The following SLC27A2 variants were observed in gnomAD, a reference collection of about 807,000 sequenced individuals.
SLC27A2 encodes solute carrier family 27 member 2.
A neutral mutation model predicts 60.0 loss-of-function variants in SLC27A2; 54 were observed. That is an observed-to-expected ratio of 0.90 (90% CI 0.72 to 1.13). SLC27A2 has a LOEUF of 1.13. SLC27A2 is among the 50% of genes most tolerant of loss of function. SLC27A2 has a pLI of 0.00. For missense variants in SLC27A2, 739 were observed against 777.6 expected, an observed-to-expected ratio of 0.95 and a Z score of 0.59; for synonymous variants, 297 against 297.6, an observed-to-expected ratio of 1.00 and a Z score of 0.02.
intron 4 of SLC27A2, among the ~76,000 whole-genome samples, chr15:50,220,804 G>A (rs1015775498): frequency 2.0e-5 from 3 of 149,334 alleles, no homozygotes; most frequent in African/African-American, 2.5e-5. Flanking sequence ...TCCAGGACAC[G>A]TATAGCCAGG....
rs35122324 is a variant in SLC27A2, at chr15:50,234,757, T to TA, written c.1686+768dup. Among the ~76,000 whole-genome samples, 153 of 151,104 alleles carry TA rather than the reference T, an allele frequency of 1.0e-3. 1 individual carries two copies. Among genetic ancestry groups the TA allele is most frequent in the African/African-American group, 3.5e-3 (143 of 41,192 alleles). On this transcript the variant is annotated intron_variant, in intron 9 of 9. Transcript: ENST00000267842. ...CTGGGCATCAGAGCAAGGCCCAGTC[T>TA]AAAAAAAAATATATCAGAAAACAGC...
chr15:50,182,653 G>T lies in SLC27A2; in HGVS notation c.226G>T (p.Asp76Tyr), dbSNP rs781515719. 1.2e-6 allele frequency: 2 copies of T among 1,613,982 alleles called. No individual in the cohort carries two copies. Among genetic ancestry groups the T allele is most frequent in the South Asian group, 1.1e-5 (1 of 91,082 alleles). ...TPHKPFLLFR[D>Y]ETLTYAQVDR... ...ACACAAGCCTTTTCTGCTCTTCCGC[G>T]ACGAGACTCTCACCTACGCGCAGGT... Residue 76 changes from aspartate (D) to tyrosine (Y), a missense_variant, in exon 1 of 10, where the codon GAC (aspartate) becomes TAC (tyrosine). Physicochemically the swap from Asp to Tyr is radical, Grantham distance 160 (BLOSUM62 -3). Coordinates refer to ENST00000267842, the MANE Select transcript of SLC27A2 (RefSeq NM_003645.4).
chr15:50,210,443 C>T (rs1446488251), intron 4 of SLC27A2, among the ~76,000 whole-genome samples: 9 of 152,166 alleles, frequency 5.9e-5, no homozygotes, highest in Admixed American at 3.9e-4. Flanking sequence ...AGAGCCAAAC[C>T]GAGCAAAATA....
intron 4 of SLC27A2, among the ~76,000 whole-genome samples, chr15:50,219,197 A>G (rs1031047153): frequency 7.2e-5 from 11 of 152,244 alleles, no homozygotes; most frequent in African/African-American, 2.7e-4. Flanking sequence ...TCTGAAATTG[A>G]CGAAACAAGA....
chr15:50,235,246 G>C (rs1308473739), intron 9 of SLC27A2, among the ~76,000 whole-genome samples: 1 of 152,170 alleles, frequency 6.6e-6, no homozygotes, highest in Non-Finnish European at 1.5e-5. Context: ...GCATGAAAAT[G>C]AAATATCCTC....
At chr15:50,234,509 C>T (rs779929608) in intron 9 of SLC27A2, among the ~76,000 whole-genome samples, 1 of 150,822 alleles carries the variant, frequency 6.6e-6, no homozygotes, top group African/African-American at 2.5e-5. Context: ...ATCGCTTGAA[C>T]CTAGGAGGAG....
intron 4 of SLC27A2, among the ~76,000 whole-genome samples, chr15:50,211,352 T>C (rs1419088269): frequency 6.6e-6 from 1 of 152,126 alleles, no homozygotes; most frequent in East Asian, 1.9e-4. Context: ...CAGGTAGACT[T>C]GCTGGGTGGC....
At chr15:50,199,294 G>A (rs2045046875) in intron 2 of SLC27A2, among the ~76,000 whole-genome samples, 1 of 151,994 alleles carries the variant, frequency 6.6e-6, no homozygotes, top group African/African-American at 2.4e-5. Flanking sequence ...CTAACATGGT[G>A]AAACCCCATC....
chr15:50,234,065 C>T, intron 9 of SLC27A2, 67 bp downstream of exon 9: 1 of 1,426,664 alleles, frequency 7.0e-7, no homozygotes, highest in Non-Finnish European at 9.5e-7. Flanking sequence ...TAGGGAACAA[C>T]TCGCCTTCTC....
intron 8 of SLC27A2, among the ~76,000 whole-genome samples, chr15:50,230,095 G>A (rs1269883260): frequency 1.3e-5 from 2 of 152,010 alleles, no homozygotes; most frequent in Admixed American, 6.6e-5. Context: ...TTAGCTGGGT[G>A]TGGTGGCACG....
At chr15:50,212,474 C>G (rs2045165318) in intron 4 of SLC27A2, among the ~76,000 whole-genome samples, 1 of 152,154 alleles carries the variant, frequency 6.6e-6, no homozygotes, top group Non-Finnish European at 1.5e-5. Context: ...AAGATCTTTG[C>G]CTAGGCACAT....
At chr15:50,218,431 C>T (rs1348953926) in intron 4 of SLC27A2, among the ~76,000 whole-genome samples, 3 of 151,850 alleles carry the variant, frequency 2.0e-5, no homozygotes, top group Non-Finnish European at 4.4e-5. Flanking sequence ...GGAAAACATC[C>T]GAGGGCTGGA....
At chr15:50,188,159 C>T (rs1045771187) in intron 1 of SLC27A2, among the ~76,000 whole-genome samples, 32 of 152,028 alleles carry the variant, frequency 2.1e-4, no homozygotes, top group African/African-American at 7.5e-4. Context: ...GCTACAAGTG[C>T]TGCAGGAAAA....
chr15:50,200,154 C>T (rs1001494775), intron 2 of SLC27A2, among the ~76,000 whole-genome samples: 6 of 152,128 alleles, frequency 3.9e-5, no homozygotes, highest in Non-Finnish European at 8.8e-5. Flanking sequence ...AGAGGCCAGG[C>T]ATGATGGCTC....
chr15:50,204,463 G>A (rs1473875674), intron 3 of SLC27A2, among the ~76,000 whole-genome samples: 1 of 151,602 alleles, frequency 6.6e-6, no homozygotes, highest in African/African-American at 2.4e-5. Context: ...GCCAGGTACG[G>A]TGGCTCACGC....
intron 4 of SLC27A2, chr15:50,221,746 T>C (rs2045243917): frequency 6.6e-6 from 1 of 152,256 alleles, no homozygotes; most frequent in African/African-American, 2.4e-5. Flanking sequence ...CATTTCATTC[T>C]GTATCCTGAT....
Position 50,182,201 on chromosome 15 carries a change from T to A in SLC27A2, c.-227T>A. 1 of 574,054 alleles carries A rather than the reference T, an allele frequency of 1.7e-6. No homozygotes were observed. Among genetic ancestry groups the A allele is most frequent in the Non-Finnish European group, 2.5e-6 (1 of 397,564 alleles). 35.6% of individuals were successfully genotyped at this position (574,054 alleles called of 1,614,324 possible). On this transcript the variant is annotated 5_prime_UTR_variant, in exon 1 of 10. Coordinates refer to ENST00000267842, the MANE Select transcript of SLC27A2 (RefSeq NM_003645.4). Reference sequence around the variant, plus strand: ...GGGGGCGGGCTCAGCCGGCCAGTCCTGCCCGGAACCCCCGGCAACGCGCAT... The same window carrying A: ...GGGGGCGGGCTCAGCCGGCCAGTCCAGCCCGGAACCCCCGGCAACGCGCAT...
At chr15:50,195,384 G>A (rs1213096089) in intron 1 of SLC27A2, among the ~76,000 whole-genome samples, 1 of 151,680 alleles carries the variant, frequency 6.6e-6, no homozygotes, top group Admixed American at 6.6e-5. Flanking sequence ...CCAGCTACTC[G>A]GGAGGCTGAG....
intron 2 of SLC27A2, among the ~76,000 whole-genome samples, chr15:50,201,685 A>C (rs11637894): frequency 0.13 from 19,507 of 151,766 alleles, 1,449 homozygotes; most frequent in Non-Finnish European, 0.17. Context: ...CCTCCTGAGT[A>C]GCTAGGACTA....
Sources: allele counts gnomAD v4.1 joint callset (sites outside exome capture counted in the v4.1 genomes callset), GRCh38; gene constraint gnomAD v4.1.1; transcripts MANE v1.5; gene names NCBI Gene and HGNC (gene_info 2026-07-23, HGNC 2026-07-21).